The following VSTM4 variants were observed in gnomAD, a reference collection of about 807,000 sequenced individuals.
The protein encoded by VSTM4 is V-set and transmembrane domain-containing protein 4.
A neutral mutation model predicts 36.4 loss-of-function variants in VSTM4; 20 were observed. The observed-to-expected ratio is 0.55, with a 90% CI of 0.39 to 0.80. The LOEUF (loss-of-function observed/expected upper bound fraction) is 0.80. Ranked by LOEUF, VSTM4 falls within the 30% of genes least tolerant of loss-of-function variation. The pLI, the probability that VSTM4 is intolerant of heterozygous loss-of-function variation, is 0.00. For missense variants in VSTM4, 392 were observed against 404.5 expected (o/e 0.97, Z 0.26); for synonymous variants, 182 against 173.9 (o/e 1.05, Z -0.37).
rs190230461 is a variant in VSTM4, at chr10:49,051,883, T to C, written c.669-3299A>G. On this transcript the variant is annotated intron_variant, in intron 5 of 7. Transcript: ENST00000332853. ...CAAATTTTCAACCCTTCCTTGTTCATATATAGTGTTTTTTAAATCATATTA... is the reference window on the plus strand; with the variant it reads ...CAAATTTTCAACCCTTCCTTGTTCACATATAGTGTTTTTTAAATCATATTA... Among the ~76,000 whole-genome samples the C allele has an allele frequency of 2.0e-5, 3 of 152,238 alleles. No homozygotes were observed. The East Asian group carries it at 5.8e-4, about 29-fold the overall frequency.
At chr10:49,038,985 T>C (rs1843475987) in intron 7 of VSTM4, among the ~76,000 whole-genome samples, 1 of 152,052 alleles carries the variant, frequency 6.6e-6, no homozygotes, top group Admixed American at 6.5e-5. Flanking sequence ...CAGGACCACC[T>C]GCAAGTACAA....
intron 6 of VSTM4, among the ~76,000 whole-genome samples, chr10:49,047,552 C>T (rs746931605): frequency 3.3e-5 from 5 of 152,214 alleles, no homozygotes; most frequent in Non-Finnish European, 7.3e-5. Flanking sequence ...TCAGGCTCTA[C>T]CACGTACCTA....
chr10:49,107,519 T>TG, intron 2 of VSTM4, 75 bp downstream of exon 2: 3 of 1,518,494 alleles, frequency 2.0e-6, no homozygotes, highest in Non-Finnish European at 2.7e-6. Context: ...CGGGAGCCCC[T>TG]GGGTGGTGGC....
chr10:49,055,954 A>G (rs541807890), intron 5 of VSTM4, among the ~76,000 whole-genome samples: 1 of 152,388 alleles, frequency 6.6e-6, no homozygotes, highest in Non-Finnish European at 1.5e-5. Flanking sequence ...AGTATTCTCT[A>G]CAACCCAAGT....
chr10:49,112,555 A>T (rs1014103220), intron 1 of VSTM4, among the ~76,000 whole-genome samples: 1 of 152,190 alleles, frequency 6.6e-6, no homozygotes, highest in Non-Finnish European at 1.5e-5. Context: ...ATACAGATAG[A>T]GTTTGCATGC....
rs1036917161 is a variant in VSTM4 at position 49,107,719 on chromosome 10, C to G, written c.332G>C (p.Arg111Thr). 1.1e-5 allele frequency: 17 copies of G among 1,614,056 alleles called. No individual in the cohort carries two copies. The highest frequency in any genetic ancestry group is 3.3e-5 in the Admixed American group (2 of 60,008). The part of the protein sequence containing the change: ...LLEEQRGALY[R>T]LSVLTLQPSD... ...GGGCTGCAGTGTCAAGACGGAGAGC[C>G]TGTAGAGCGCCCCCCGCTGCTCCTC... is the stretch of plus-strand genomic sequence containing the variant. Residue 111 changes from arginine to threonine, a missense_variant, in exon 2 of 8, where the codon AGG (arginine) becomes ACG (threonine). Arg to Thr is a moderately conservative substitution (Grantham distance 71, BLOSUM62 -1). Coordinates refer to ENST00000332853, the MANE Select transcript of VSTM4 (RefSeq NM_001031746.5).
chr10:49,052,806 T>A (rs1396679610), intron 5 of VSTM4, among the ~76,000 whole-genome samples: 1 of 152,240 alleles, frequency 6.6e-6, no homozygotes, highest in African/African-American at 2.4e-5. Flanking sequence ...TATAACATTA[T>A]GTTCAGGGAT....
At chr10:49,046,939 C>G (rs750130369) in intron 7 of VSTM4, 44 bp downstream of exon 7, 2 of 1,584,530 alleles carry the variant, frequency 1.3e-6, no homozygotes, top group Non-Finnish European at 1.7e-6. Flanking sequence ...TGAGTTGTGT[C>G]TGAGGCTTAA....
At chr10:49,103,636 C>T (rs1338933420) in intron 2 of VSTM4, 1 of 1,522,306 alleles carries the variant, frequency 6.6e-7, no homozygotes, top group Admixed American at 2.3e-5. Context: ...GCAAGTCACC[C>T]TCCATGTGCT....
At chr10:49,097,436 G>A (rs1844593323) in intron 2 of VSTM4, among the ~76,000 whole-genome samples, 1 of 149,430 alleles carries the variant, frequency 6.7e-6, no homozygotes, top group African/African-American at 2.6e-5. Flanking sequence ...CAAAGCTGAG[G>A]GAGCAAAGGA....
intron 7 of VSTM4, among the ~76,000 whole-genome samples, chr10:49,037,283 A>C (rs1045285617): frequency 6.6e-6 from 1 of 152,180 alleles, no homozygotes; most frequent in African/African-American, 2.4e-5. Flanking sequence ...TAGTCTGAAA[A>C]GTTAGTCAGA....
chr10:49,102,804 G>A, intron 2 of VSTM4: 1 of 953,700 alleles, frequency 1.0e-6, no homozygotes. Context: ...GATCAACTGT[G>A]TACCAGGCAC....
chr10:49,109,226 G>A (rs1844849063), intron 1 of VSTM4, among the ~76,000 whole-genome samples: 1 of 152,190 alleles, frequency 6.6e-6, no homozygotes, highest in South Asian at 2.1e-4. Context: ...GGCCCCAGAT[G>A]TCACAGCCAC....
intron 5 of VSTM4, among the ~76,000 whole-genome samples, chr10:49,052,697 G>T (rs1843717258): frequency 6.6e-6 from 1 of 152,104 alleles, no homozygotes; most frequent in Non-Finnish European, 1.5e-5. Flanking sequence ...CTTGCACGGT[G>T]TAGAATCAAA....
chr10:49,084,694 A>T (rs1426398302), intron 3 of VSTM4, among the ~76,000 whole-genome samples: 1 of 152,240 alleles, frequency 6.6e-6, no homozygotes, highest in African/African-American at 2.4e-5. Flanking sequence ...TAATCTTTAC[A>T]AAGTTCCTGA....
chr10:49,041,477 A>G (rs558759348), intron 7 of VSTM4, among the ~76,000 whole-genome samples: 1 of 152,352 alleles, frequency 6.6e-6, no homozygotes, highest in East Asian at 1.9e-4. Context: ...AGAATTTCCT[A>G]TGATGAGTCC....
chr10:49,070,023 C>T (rs1215207605), intron 4 of VSTM4, among the ~76,000 whole-genome samples: 1 of 61,956 alleles, frequency 1.6e-5, no homozygotes. Context: ...GAGGCCGAGG[C>T]GGGCGGATCA....
chr10:49,085,709 T>A (rs1417066674), intron 3 of VSTM4, among the ~76,000 whole-genome samples: 1 of 151,956 alleles, frequency 6.6e-6, no homozygotes, highest in African/African-American at 2.4e-5. Context: ...GTTTCCTTCC[T>A]ATTGTCTAAA....
chr10:49,103,937 C>A, intron 2 of VSTM4: 1 of 1,181,206 alleles, frequency 8.5e-7, no homozygotes, highest in African/African-American at 1.5e-5. Context: ...CACTCAAACC[C>A]CCAAGAGCTC....
Sources: allele counts gnomAD v4.1 joint callset (sites outside exome capture counted in the v4.1 genomes callset), GRCh38; gene constraint gnomAD v4.1.1; transcripts MANE v1.5; gene names NCBI Gene and HGNC (gene_info 2026-07-23, HGNC 2026-07-21).